The following LRRIQ3 variants were observed in gnomAD, a reference collection of about 807,000 sequenced individuals.
LRRIQ3 encodes leucine rich repeats and IQ motif containing 3.
LRRIQ3 carries 75 observed loss-of-function variants against 59.3 expected under a neutral mutation model. The observed-to-expected ratio is 1.26, with a 90% CI of 1.05 to 1.53. The LOEUF (loss-of-function observed/expected upper bound fraction) is 1.53, where lower values mean the gene tolerates loss of function less well. Ranked by LOEUF, LRRIQ3 falls within the 40% of genes most tolerant of loss-of-function variation. LRRIQ3 has a pLI of 0.00. For synonymous variants in LRRIQ3, 250 were observed against 231.3 expected (o/e 1.08, Z -0.73); for missense variants, 831 against 710.0 (o/e 1.17, Z -1.94).
intron 6 of LRRIQ3, among the ~76,000 whole-genome samples, chr1:74,063,450 C>G (rs1004627480): frequency 6.6e-6 from 1 of 152,084 alleles, no homozygotes; most frequent in African/African-American, 2.4e-5. Flanking sequence ...GGATCTTCTA[C>G]CCATTCATTG....
chr1:74,106,152 G>A (rs1570123234), intron 5 of LRRIQ3, among the ~76,000 whole-genome samples: 1 of 152,142 alleles, frequency 6.6e-6, no homozygotes, highest in African/African-American at 2.4e-5. Context: ...TATTGCTCAA[G>A]TTCTAAGAAA....
At chr1:74,046,646 T>A (rs1557591632) in intron 6 of LRRIQ3, among the ~76,000 whole-genome samples, 2 of 152,016 alleles carry the variant, frequency 1.3e-5, no homozygotes, top group South Asian at 4.1e-4. Flanking sequence ...GAAACTATCA[T>A]CAGAGTGAAC....
At position 74,150,656 on chromosome 1, in the gene LRRIQ3, A is replaced by T. The variant is rs992513593; in HGVS notation, c.707+5077T>A. On this transcript the variant is annotated intron_variant, in intron 4 of 7. Transcript: ENST00000354431. ...TTCCTACATTAACATTACCTGCAAA[A>T]AGAAATTTGCAACCATACAATCAGA... 3.9e-5 allele frequency among the ~76,000 whole-genome samples: 6 copies of T among 152,262 alleles called. No homozygotes were observed. The East Asian group carries it at 1.2e-3, about 29-fold the overall frequency.
intron 4 of LRRIQ3, among the ~76,000 whole-genome samples, chr1:74,146,609 G>T (rs1647586706): frequency 6.6e-6 from 1 of 152,176 alleles, no homozygotes; most frequent in Non-Finnish European, 1.5e-5. Context: ...CCAAGATCTA[G>T]CAAGTGCTAG....
At position 74,182,819 on chromosome 1, in the gene LRRIQ3, TC is replaced by T; in HGVS notation, c.291del (p.Asn98ThrfsTer2). On this transcript the variant is annotated frameshift_variant, in exon 3 of 8. Coordinates refer to ENST00000354431, the MANE Select transcript of LRRIQ3 (RefSeq NM_001105659.2). LOFTEE classifies it high-confidence loss of function. The part of the protein sequence containing the change: ...LPNTKFWNGL[K>X]NLKLLYLHDN... ...TCATGAAGATAGAGTAGTTTTAGGTTCTTCAATCCATTCCAAAATTTGGTAT... is the reference window on the plus strand; with the variant it reads ...TCATGAAGATAGAGTAGTTTTAGGTTTTCAATCCATTCCAAAATTTGGTAT... 6.4e-7 allele frequency: 1 copy of T among 1,567,134 alleles called. No individual in the cohort carries two copies. The highest frequency in any genetic ancestry group is 8.6e-7 in the Non-Finnish European group (1 of 1,156,630).
At position 74,167,716 on chromosome 1, in the gene LRRIQ3, T is replaced by G. The variant is rs905359460; in HGVS notation, c.574-11850A>C. 2.0e-5 allele frequency among the ~76,000 whole-genome samples: 3 copies of G among 151,536 alleles called. 1 individual carries two copies. The South Asian group carries it at 6.2e-4, about 32-fold the overall frequency. On this transcript the variant is annotated intron_variant, in intron 3 of 7. Coordinates refer to ENST00000354431, the MANE Select transcript of LRRIQ3 (RefSeq NM_001105659.2). ...ATCTCAGAAATCACCACTAAAGAAC[T>G]TATTCATGTAACCAAACAGCACCTG...
chr1:74,130,114 G>A (rs2100607271), intron 4 of LRRIQ3, among the ~76,000 whole-genome samples: 1 of 152,120 alleles, frequency 6.6e-6, no homozygotes, highest in African/African-American at 2.4e-5. Context: ...CATCTCATTT[G>A]GTTATGCTCC....
intron 4 of LRRIQ3, among the ~76,000 whole-genome samples, chr1:74,128,998 G>A (rs1199983378): frequency 3.3e-5 from 5 of 152,002 alleles, no homozygotes; most frequent in Non-Finnish European, 1.5e-5. Flanking sequence ...TATAGTTGAG[G>A]AAGGGTGGCA....
chr1:74,035,795 G>T (rs951679807), intron 7 of LRRIQ3, among the ~76,000 whole-genome samples: 1 of 152,014 alleles, frequency 6.6e-6, no homozygotes, highest in Non-Finnish European at 1.5e-5. Context: ...TAAACTTTCT[G>T]CTATAGGTAC....
At chr1:74,095,335 G>A (rs982839535) in intron 5 of LRRIQ3, among the ~76,000 whole-genome samples, 3 of 152,010 alleles carry the variant, frequency 2.0e-5, no homozygotes, top group South Asian at 2.1e-4. Context: ...TGTTTACATC[G>A]CTATTAGGGA....
chr1:74,190,317 T>C (rs1008961924), intron 1 of LRRIQ3, among the ~76,000 whole-genome samples: 1 of 151,874 alleles, frequency 6.6e-6, no homozygotes, highest in Non-Finnish European at 1.5e-5. Context: ...ATAGATATTC[T>C]AAGAAAGAAT....
intron 3 of LRRIQ3, among the ~76,000 whole-genome samples, chr1:74,165,600 G>C (rs1276474780): frequency 5.3e-5 from 8 of 151,120 alleles, no homozygotes; most frequent in Non-Finnish European, 1.2e-4. Flanking sequence ...TGTTGTACTG[G>C]CTATTTTCTG....
intron 6 of LRRIQ3, among the ~76,000 whole-genome samples, chr1:74,050,017 G>A (rs950088304): frequency 2.5e-4 from 37 of 149,332 alleles, no homozygotes; most frequent in African/African-American, 4.2e-4. Flanking sequence ...TCCGCCTCCC[G>A]GATTCAAGCA....
At chr1:74,150,479 A>G (rs1647860384) in intron 4 of LRRIQ3, among the ~76,000 whole-genome samples, 2 of 152,096 alleles carry the variant, frequency 1.3e-5, no homozygotes, top group Admixed American at 6.6e-5. Flanking sequence ...CTTGCTCCCC[A>G]TTGGATAAGA....
chr1:74,079,576 C>T (rs1283999951), intron 5 of LRRIQ3, among the ~76,000 whole-genome samples: 4 of 151,724 alleles, frequency 2.6e-5, no homozygotes, highest in African/African-American at 7.2e-5. Context: ...TGTTTGCTAA[C>T]GTAGGTTAAG....
chr1:74,197,550 C>T (rs1217017353), intron 1 of LRRIQ3, among the ~76,000 whole-genome samples: 1 of 152,124 alleles, frequency 6.6e-6, no homozygotes, highest in Non-Finnish European at 1.5e-5. Flanking sequence ...CTAGATTAAT[C>T]TGCATATACA....
At chr1:74,155,626 A>T in intron 4 of LRRIQ3, 107 bp downstream of exon 4, 1 of 959,612 alleles carries the variant, frequency 1.0e-6, no homozygotes. Context: ...ATACCATTTT[A>T]ATGATAGAGA....
intron 1 of LRRIQ3, among the ~76,000 whole-genome samples, chr1:74,194,776 T>C (rs948099348): frequency 6.6e-6 from 1 of 152,294 alleles, no homozygotes; most frequent in Non-Finnish European, 1.5e-5. Flanking sequence ...CATTCCTTGG[T>C]TAGCTTTCAT....
At chr1:74,058,500 A>G (rs1654604310) in intron 6 of LRRIQ3, among the ~76,000 whole-genome samples, 2 of 152,136 alleles carry the variant, frequency 1.3e-5, no homozygotes, top group South Asian at 4.1e-4. Context: ...TATCTTGCAT[A>G]TATGGAAGCT....
Sources: allele counts gnomAD v4.1 joint callset (sites outside exome capture counted in the v4.1 genomes callset), GRCh38; gene constraint gnomAD v4.1.1; transcripts MANE v1.5; gene names NCBI Gene and HGNC (gene_info 2026-07-23, HGNC 2026-07-21).